The following AUH variants were observed in gnomAD, a reference collection of about 807,000 sequenced individuals.
The protein encoded by AUH is AU RNA binding methylglutaconyl-CoA hydratase.
Under a neutral mutation model 42.3 loss-of-function variants are expected in AUH, and 29 were observed. The observed-to-expected ratio is 0.69, with a 90% CI of 0.51 to 0.93. The LOEUF (loss-of-function observed/expected upper bound fraction) is 0.93, where lower values mean the gene tolerates loss of function less well. Ranked by LOEUF, AUH falls within the 40% of genes least tolerant of loss-of-function variation. The pLI, the probability that AUH is intolerant of heterozygous loss-of-function variation, is 0.00. For missense variants in AUH, 452 were observed against 438.1 expected (o/e 1.03, Z -0.28); for synonymous variants, 174 against 166.4 (o/e 1.05, Z -0.35).
chr9:91,306,483 A>G, intron 4 of AUH: 1 of 572,662 alleles, frequency 1.7e-6, no homozygotes, highest in Non-Finnish European at 2.2e-6. Context: ...TTGGCAGGAA[A>G]AAACCTCACC....
At chr9:91,259,074 A>C (rs564114283) in intron 6 of AUH, among the ~76,000 whole-genome samples, 2 of 152,296 alleles carry the variant, frequency 1.3e-5, no homozygotes, top group Admixed American at 1.3e-4. Flanking sequence ...TATTTTCTGA[A>C]ACAGTTGGAG....
At chr9:91,300,333 T>C (rs1012256225) in intron 4 of AUH, among the ~76,000 whole-genome samples, 14 of 152,306 alleles carry the variant, frequency 9.2e-5, no homozygotes, top group African/African-American at 3.1e-4. Flanking sequence ...CATACCCACT[T>C]AAATACTTCA....
chr9:91,294,770 G>A (rs773762294), intron 6 of AUH: 10 of 455,526 alleles, frequency 2.2e-5, no homozygotes, highest in South Asian at 1.4e-4. Context: ...TGACTTGGAG[G>A]GATTCAAGAC....
At chr9:91,292,377 C>T (rs1826975447) in intron 6 of AUH, among the ~76,000 whole-genome samples, 1 of 150,046 alleles carries the variant, frequency 6.7e-6, no homozygotes, top group Non-Finnish European at 1.5e-5. Flanking sequence ...CATCTGGGTT[C>T]AAGCAATTCT....
chr9:91,288,873 A>G (rs759045410), intron 6 of AUH, among the ~76,000 whole-genome samples: 1 of 152,210 alleles, frequency 6.6e-6, no homozygotes, highest in Non-Finnish European at 1.5e-5. Context: ...CAATAGAAAT[A>G]TTACCATCTC....
chr9:91,312,718 C>T (rs1828799292), intron 4 of AUH, among the ~76,000 whole-genome samples: 1 of 152,074 alleles, frequency 6.6e-6, no homozygotes, highest in South Asian at 2.1e-4. Flanking sequence ...AGAGTGGGAC[C>T]CTATCTTTTT....
At chr9:91,257,982 A>G (rs1829497461) in intron 6 of AUH, among the ~76,000 whole-genome samples, 1 of 152,186 alleles carries the variant, frequency 6.6e-6, no homozygotes, top group African/African-American at 2.4e-5. Flanking sequence ...TATTGTGTTA[A>G]ATTTAAAGTA....
chr9:91,324,547 TAA>T lies in AUH; in HGVS notation c.505+769_505+770del, dbSNP rs200793949. ...AAAAAAAAAAAAAACTAAAACCAAATAAAAAAAAAAAAAGAAAGCCAAATCTC... is the reference window on the plus strand; with the variant it reads ...AAAAAAAAAAAAAACTAAAACCAAATAAAAAAAAAAAGAAAGCCAAATCTC... On this transcript the variant is annotated intron_variant, in intron 4 of 9. Coordinates refer to ENST00000375731, the MANE Select transcript of AUH (RefSeq NM_001698.3). 4.5e-3 allele frequency among the ~76,000 whole-genome samples: 410 copies of T among 90,680 alleles called. 3 individuals carry two copies. The highest frequency in any genetic ancestry group is 0.016 in the African/African-American group (389 of 24,512). 59.5% of individuals were successfully genotyped at this position (90,680 alleles called of 152,430 possible).
At chr9:91,341,692 G>A (rs1260992760) in intron 3 of AUH, among the ~76,000 whole-genome samples, 3 of 152,204 alleles carry the variant, frequency 2.0e-5, no homozygotes, top group African/African-American at 7.2e-5. Flanking sequence ...TATGGGCCAG[G>A]CACTGTTCTG....
intron 1 of AUH, among the ~76,000 whole-genome samples, chr9:91,356,557 T>C (rs1832432066): frequency 6.6e-6 from 1 of 152,216 alleles, no homozygotes; most frequent in Non-Finnish European, 1.5e-5. Context: ...TCAGTAATTC[T>C]ATCCCAAGCT....
At chr9:91,249,297 A>AAAAAAAAAAAAAAAAG (rs1828984648) in intron 6 of AUH, among the ~76,000 whole-genome samples, 1 of 103,730 alleles carries the variant, frequency 9.6e-6, no homozygotes. Context: ...TGTCTCAAAA[A>AAAAAAAAAAAAAAAAG]AAAAAAAAAA....
intron 6 of AUH, among the ~76,000 whole-genome samples, chr9:91,270,955 T>C (rs563625177): frequency 2.0e-3 from 310 of 152,310 alleles, no homozygotes; most frequent in Middle Eastern, 6.8e-3. Flanking sequence ...AACTACCTTA[T>C]AAAAATACTA....
At chr9:91,341,840 TG>T (rs2131981865) in intron 3 of AUH, among the ~76,000 whole-genome samples, 1 of 152,224 alleles carries the variant, frequency 6.6e-6, no homozygotes, top group Non-Finnish European at 1.5e-5. Flanking sequence ...TGATGGAGGC[TG>T]GGGGAAGCAG....
intron 6 of AUH, among the ~76,000 whole-genome samples, chr9:91,257,545 G>C (rs1478172999): frequency 6.6e-6 from 1 of 152,098 alleles, no homozygotes; most frequent in African/African-American, 2.4e-5. Context: ...CTTGAAAGTG[G>C]AGGAGAATAA....
intron 4 of AUH, among the ~76,000 whole-genome samples, chr9:91,320,301 CTG>C (rs1290479644): frequency 6.6e-6 from 1 of 152,186 alleles, no homozygotes; most frequent in African/African-American, 2.4e-5. Flanking sequence ...TAGAAAGACT[CTG>C]TACTTCTATA....
At chr9:91,310,275 GT>G (rs998208497) in intron 4 of AUH, among the ~76,000 whole-genome samples, 7 of 152,226 alleles carry the variant, frequency 4.6e-5, no homozygotes, top group African/African-American at 9.6e-5. Context: ...ACTCAGGCAA[GT>G]TGAGCAGCAT....
chr9:91,321,496 A>T (rs1454610638), intron 4 of AUH, among the ~76,000 whole-genome samples: 1 of 150,418 alleles, frequency 6.6e-6, no homozygotes, highest in Middle Eastern at 3.2e-3. Flanking sequence ...CCTTAAAATT[A>T]AAAGCTTTAT....
Position 91,325,356 on chromosome 9 carries a change from G to C in AUH, c.467C>G (p.Pro156Arg), listed in dbSNP as rs900282826. The part of the protein sequence containing the change: ...RAKMSSSEVG[P>R]FVSKIRAVIN... ...CACTGCTCTTATTTTGGAGACAAAA[G>C]GACCAACTTCACTGGAACTCATTTT... The change falls in exon 4 of 10, where the codon CCT becomes CGT. Residue 156 changes from proline to arginine, a missense_variant. Physicochemically the swap from Pro to Arg is moderately radical, Grantham distance 103. Transcript: ENST00000375731. 9 of 1,613,728 alleles carry C rather than the reference G, an allele frequency of 5.6e-6. No homozygotes were observed. Among genetic ancestry groups the C allele is most frequent in the Admixed American group, 1.7e-5 (1 of 59,992 alleles).
chr9:91,228,067 G>A (rs372492408), intron 6 of AUH, among the ~76,000 whole-genome samples: 1 of 152,186 alleles, frequency 6.6e-6, no homozygotes, highest in African/African-American at 2.4e-5. Flanking sequence ...GCTGGCCTCA[G>A]AAAATGAGTT....
Sources: gnomAD v4.1 joint callset for allele counts (sites outside exome capture counted in the v4.1 genomes callset) on GRCh38, gnomAD v4.1.1 for gene constraint, MANE v1.5 for transcripts, NCBI Gene and HGNC (gene_info 2026-07-23, HGNC 2026-07-21) for gene names.